ACTR3C: variants seen among roughly 807,000 people sequenced by gnomAD.
ACTR3C encodes the protein actin-related protein 3C.
Under a neutral mutation model 26.3 loss-of-function variants are expected in ACTR3C, and 18 were observed. That is an observed-to-expected ratio of 0.68 (90% CI 0.47 to 1.01). ACTR3C has a LOEUF of 1.01. Ranked by LOEUF, ACTR3C falls within the 50% of genes least tolerant of loss-of-function variation. The pLI is 0.00. For synonymous variants in ACTR3C, 55 were observed against 94.5 expected (o/e 0.58, Z 2.42); for missense variants, 184 against 250.7 (o/e 0.73, Z 1.80).
chr7:150,029,722 G>A, the ACTR3C span, among the ~76,000 whole-genome samples: 2 of 152,008 alleles, frequency 1.3e-5, no homozygotes, highest in African/African-American at 4.8e-5. Flanking sequence ...CTTAAAAAAA[G>A]TCATCTGAGG....
At chr7:150,081,267 G>T in the ACTR3C span, among the ~76,000 whole-genome samples, 4 of 149,490 alleles carry the variant, frequency 2.7e-5, no homozygotes, top group Non-Finnish European at 5.9e-5. Context: ...GGAAGGAAGG[G>T]AGAAAGAAAG....
At chr7:149,924,243 C>T in the ACTR3C span, among the ~76,000 whole-genome samples, 1,320 of 149,400 alleles carry the variant, frequency 8.8e-3, 26 homozygotes, top group African/African-American at 0.031. Context: ...GGTGTGATGG[C>T]GGGCGCCTGT....
chr7:150,306,190 C>A (rs1349167945), intron 1 of ACTR3C, among the ~76,000 whole-genome samples: 1 of 152,032 alleles, frequency 6.6e-6, no homozygotes, highest in African/African-American at 2.4e-5. Context: ...CACACCAAAC[C>A]CCTCCAATTC....
At chr7:150,014,800 T>C in the ACTR3C span, among the ~76,000 whole-genome samples, 1 of 152,198 alleles carries the variant, frequency 6.6e-6, no homozygotes, top group Non-Finnish European at 1.5e-5. Context: ...TTTCCATTCC[T>C]GAAATGATTG....
chr7:150,316,153 C>T (rs183502729), intron 1 of ACTR3C, among the ~76,000 whole-genome samples: 12 of 152,328 alleles, frequency 7.9e-5, no homozygotes, highest in Admixed American at 6.5e-4. Flanking sequence ...GCCGAGATCA[C>T]GCCATTGCAC....
chr7:150,037,745 A>C, the ACTR3C span, among the ~76,000 whole-genome samples: 1 of 43,820 alleles, frequency 2.3e-5, no homozygotes, highest in African/African-American at 5.7e-5. Flanking sequence ...TCTGGCTCTC[A>C]GTCCCCACCC....
the ACTR3C span, among the ~76,000 whole-genome samples, chr7:150,039,101 C>G: frequency 6.7e-6 from 1 of 149,942 alleles, no homozygotes; most frequent in African/African-American, 2.5e-5. Context: ...CCACAGTCCT[C>G]CAGGTGGGTC....
chr7:150,006,636 G>A, the ACTR3C span, among the ~76,000 whole-genome samples: 3 of 150,696 alleles, frequency 2.0e-5, no homozygotes, highest in Non-Finnish European at 4.4e-5. Flanking sequence ...TCCACCTGGG[G>A]TCCCTGGTGC....
chr7:150,198,381 T>C, the ACTR3C span, among the ~76,000 whole-genome samples: 2 of 135,438 alleles, frequency 1.5e-5, no homozygotes, highest in Admixed American at 7.2e-5. Flanking sequence ...CCGGCCGCCA[T>C]CCCATCTAGG....
chr7:150,297,540 T>C (rs1291356781), intron 1 of ACTR3C, among the ~76,000 whole-genome samples: 2 of 152,208 alleles, frequency 1.3e-5, no homozygotes, highest in Non-Finnish European at 2.9e-5. Flanking sequence ...AATGAAGCCA[T>C]TTAAGACGTA....
the ACTR3C span, among the ~76,000 whole-genome samples, chr7:149,914,515 C>T: frequency 6.6e-6 from 1 of 151,614 alleles, no homozygotes; most frequent in African/African-American, 2.4e-5. Flanking sequence ...ATCGCGTGAG[C>T]CCTGGCGCCA....
the ACTR3C span, chr7:150,044,730 CTA>C: frequency 6.6e-6 from 1 of 152,194 alleles, no homozygotes; most frequent in Non-Finnish European, 1.5e-5. Flanking sequence ...AAGCCAAGAA[CTA>C]TATTTCTCAA....
chr7:150,019,346 C>T, the ACTR3C span, among the ~76,000 whole-genome samples: 3 of 150,016 alleles, frequency 2.0e-5, no homozygotes, highest in South Asian at 2.1e-4. Context: ...GTAATCCCGA[C>T]ACTTTGGGAG....
At chr7:150,198,268 C>G in the ACTR3C span, among the ~76,000 whole-genome samples, 8 of 149,390 alleles carry the variant, frequency 5.4e-5, no homozygotes, top group East Asian at 1.4e-3. Flanking sequence ...GCCGCCACCC[C>G]GTCTGGGAAG....
chr7:150,226,072 C>T, the ACTR3C span, among the ~76,000 whole-genome samples: 2 of 152,192 alleles, frequency 1.3e-5, no homozygotes, highest in Non-Finnish European at 2.9e-5. Flanking sequence ...ATGGCTACAC[C>T]ACACTTTCCC....
At chr7:150,245,513 A>C (rs1171502181), downstream of ACTR3C, 1 of 152,196 alleles carries the variant, frequency 6.6e-6, no homozygotes, top group African/African-American at 2.4e-5. Context: ...TTGCTCCACC[A>C]TGGAGGGGAT....
At chr7:150,140,053 T>A in the ACTR3C span, among the ~76,000 whole-genome samples, 1 of 144,594 alleles carries the variant, frequency 6.9e-6, no homozygotes, top group Non-Finnish European at 1.5e-5. Flanking sequence ...CGCACACACA[T>A]GCACACACAC....
At chr7:150,299,383 C>T (rs984190972) in intron 1 of ACTR3C, among the ~76,000 whole-genome samples, 5 of 137,132 alleles carry the variant, frequency 3.6e-5, no homozygotes, top group South Asian at 2.4e-4. Flanking sequence ...CCCAGGAGGT[C>T]GAGGCTGTCT....
chr7:150,186,663 C>T, the ACTR3C span, among the ~76,000 whole-genome samples: 4 of 152,180 alleles, frequency 2.6e-5, no homozygotes, highest in African/African-American at 9.7e-5. Context: ...TCCCCAAGGC[C>T]AATCCTCTCG....
Sources: allele counts gnomAD v4.1 joint callset (sites outside exome capture counted in the v4.1 genomes callset), GRCh38; gene constraint gnomAD v4.1.1; transcripts MANE v1.5; gene names NCBI Gene and HGNC (gene_info 2026-07-23, HGNC 2026-07-21).